ATP10B: variants seen among roughly 807,000 people sequenced by gnomAD.
ATP10B encodes the protein ATPase phospholipid transporting 10B (putative).
In ATP10B, 122 loss-of-function variants were observed where a neutral mutation model predicts 141.2. The ratio of observed to expected loss-of-function variants is 0.86; its 90% confidence interval spans 0.75 to 1.00. The LOEUF (loss-of-function observed/expected upper bound fraction) is 1.00. Among genes scored for constraint, ATP10B ranks in the 50% least tolerant of loss-of-function variants. The pLI is 0.00. For missense variants in ATP10B, 1,876 were observed against 1,825.3 expected (o/e 1.03, Z -0.51); for synonymous variants, 685 against 692.0 (o/e 0.99, Z 0.16).
intron 2 of ATP10B, among the ~76,000 whole-genome samples, chr5:160,719,499 T>C (rs1344101850): frequency 6.6e-6 from 1 of 152,250 alleles, no homozygotes; most frequent in South Asian, 2.1e-4. Context: ...TGCCTTGCCT[T>C]GCCTAGCACT....
intron 7 of ATP10B, among the ~76,000 whole-genome samples, chr5:160,652,741 T>G (rs1308781483): frequency 2.5e-5 from 3 of 117,960 alleles, no homozygotes; most frequent in Non-Finnish European, 5.0e-5. Context: ...CATATATTTA[T>G]GTACTATACA....
chr5:160,731,248 G>C (rs1766721626), intron 2 of ATP10B, among the ~76,000 whole-genome samples: 1 of 152,178 alleles, frequency 6.6e-6, no homozygotes, highest in Non-Finnish European at 1.5e-5. Flanking sequence ...GAATTAAAAT[G>C]CTTCTAATGT....
chr5:160,831,197 G>C (rs575616990), intron 1 of ATP10B, among the ~76,000 whole-genome samples: 1 of 151,362 alleles, frequency 6.6e-6, no homozygotes, highest in African/African-American at 2.4e-5. Flanking sequence ...GTTTGTTGTT[G>C]AGCCTAGTAA....
chr5:160,756,989 G>A (rs943496769), intron 2 of ATP10B, among the ~76,000 whole-genome samples: 7 of 151,770 alleles, frequency 4.6e-5, no homozygotes, highest in Admixed American at 6.6e-5. Flanking sequence ...AACAGTTCAC[G>A]CTTTCTTGTT....
chr5:160,688,619 A>C, intron 4 of ATP10B, 141 bp downstream of exon 4: 1 of 347,548 alleles, frequency 2.9e-6, no homozygotes, highest in South Asian at 1.2e-4. Flanking sequence ...CTTATTCCAC[A>C]AGATTTTTGT....
At chr5:160,652,881 A>AT (rs1554100530) in intron 7 of ATP10B, among the ~76,000 whole-genome samples, 4 of 90,698 alleles carry the variant, frequency 4.4e-5, no homozygotes, top group Admixed American at 1.7e-4. Flanking sequence ...TATATAATAT[A>AT]TATATAATTA....
intron 7 of ATP10B, among the ~76,000 whole-genome samples, chr5:160,652,859 T>TCA (rs1450951489): frequency 1.2e-4 from 9 of 74,038 alleles, no homozygotes; most frequent in African/African-American, 4.8e-4. Flanking sequence ...AGATTATAAA[T>TCA]TATATATAAT....
chr5:160,567,704 G>A (rs776065502), intron 25 of ATP10B, among the ~76,000 whole-genome samples: 11 of 152,090 alleles, frequency 7.2e-5, no homozygotes, highest in African/African-American at 1.2e-4. Flanking sequence ...AGGGGAATAT[G>A]TCCTAGGAGG....
chr5:160,780,133 A>C (rs1770616605), intron 2 of ATP10B, among the ~76,000 whole-genome samples: 1 of 152,212 alleles, frequency 6.6e-6, no homozygotes, highest in African/African-American at 2.4e-5. Flanking sequence ...TTGAATGTAT[A>C]CAAAATATAA....
chr5:160,809,398 T>A (rs563164217), intron 1 of ATP10B, among the ~76,000 whole-genome samples: 88 of 152,226 alleles, frequency 5.8e-4, no homozygotes, highest in Non-Finnish European at 6.3e-4. Context: ...TTTAAAAAAA[T>A]TTTTTTTCTA....
At chr5:160,761,977 C>A (rs1239956840) in intron 2 of ATP10B, among the ~76,000 whole-genome samples, 1 of 152,074 alleles carries the variant, frequency 6.6e-6, no homozygotes, top group Non-Finnish European at 1.5e-5. Flanking sequence ...GAAGAAAAAA[C>A]TTCAGAGCTT....
At chr5:160,605,275 GAC>G (rs1757316541) in intron 19 of ATP10B, among the ~76,000 whole-genome samples, 1 of 152,144 alleles carries the variant, frequency 6.6e-6, no homozygotes. Context: ...GTTATCTGAT[GAC>G]ACATTTATTG....
chr5:160,610,325 C>A (rs115799436), intron 18 of ATP10B, among the ~76,000 whole-genome samples: 2 of 152,100 alleles, frequency 1.3e-5, no homozygotes, highest in African/African-American at 4.8e-5. Context: ...GAAACTGAGG[C>A]CTGCTAACAG....
At chr5:160,583,627 C>T (rs111408420) in intron 24 of ATP10B, among the ~76,000 whole-genome samples, 1,842 of 152,314 alleles carry the variant, frequency 0.012, 36 homozygotes, top group African/African-American at 0.042. Flanking sequence ...GCTGTGCCTA[C>T]AGCCACCCCT....
rs1399951594 is a variant in ATP10B, at chr5:160,788,700, C to T, written c.-575-2897G>A. The stretch of plus-strand genomic sequence containing the variant: ...TGGTCTTGGTTTTCTAATTTTTCTT[C>T]TCCTTTATCACCATCCAACCACTAT... On this transcript the variant is annotated intron_variant, in intron 1 of 25. Coordinates refer to ENST00000327245, the MANE Select transcript of ATP10B (RefSeq NM_025153.3). Among the ~76,000 whole-genome samples the T allele has an allele frequency of 5.9e-5, 9 of 152,206 alleles. No homozygotes were observed. In the East Asian group the frequency reaches 1.7e-3, roughly 29 times the overall value.
At chr5:160,877,452 G>A in the ATP10B span, among the ~76,000 whole-genome samples, 1 of 145,294 alleles carries the variant, frequency 6.9e-6, no homozygotes, top group Non-Finnish European at 1.5e-5. Flanking sequence ...AAAACTGGAA[G>A]CATTCCCTTT....
chr5:160,793,988 G>T (rs1023904900), intron 1 of ATP10B, among the ~76,000 whole-genome samples: 1 of 152,158 alleles, frequency 6.6e-6, no homozygotes, highest in African/African-American at 2.4e-5. Context: ...CTAGGTTTGT[G>T]TAAGTACACT....
In ATP10B at chr5:160,591,564, A is replaced by G. The variant is rs371836871; in HGVS notation, c.3565-425T>C. Among the ~76,000 whole-genome samples, 9 of 152,274 alleles carry G rather than the reference A, an allele frequency of 5.9e-5. No individual in the cohort carries two copies. The East Asian group carries it at 1.4e-3, about 23-fold the overall frequency. On this transcript the variant is annotated intron_variant, in intron 22 of 25. Transcript: ENST00000327245. ...AAGTGTAAAGATTCTAAAGTTTCTA[A>G]GTGGCATCTGAGAGATCTCAATCGT...
chr5:160,725,972 A>G (rs1766324638), intron 2 of ATP10B, among the ~76,000 whole-genome samples: 1 of 152,064 alleles, frequency 6.6e-6, no homozygotes, highest in Admixed American at 6.5e-5. Context: ...TGGGAGTTGG[A>G]GAAGGCATTT....
Sources: gnomAD v4.1 joint callset for allele counts (sites outside exome capture counted in the v4.1 genomes callset) on GRCh38, gnomAD v4.1.1 for gene constraint, MANE v1.5 for transcripts, NCBI Gene and HGNC (gene_info 2026-07-23, HGNC 2026-07-21) for gene names.